RTF1: variants seen among roughly 807,000 people sequenced by gnomAD.
RTF1 encodes the protein RNA polymerase-associated protein RTF1 homolog.
Under a neutral mutation model 95.7 loss-of-function variants are expected in RTF1, and 10 were observed. The ratio of observed to expected loss-of-function variants is 0.10; its 90% confidence interval spans 0.06 to 0.18. The LOEUF (loss-of-function observed/expected upper bound fraction) is 0.18. Ranked by LOEUF, RTF1 falls within the 10% of genes least tolerant of loss-of-function variation. RTF1 has a pLI of 1.00. For missense variants in RTF1, 458 were observed against 875.6 expected (o/e 0.52, Z 6.02); for synonymous variants, 305 against 311.8 (o/e 0.98, Z 0.23).
intron 1 of RTF1, among the ~76,000 whole-genome samples, chr15:41,426,801 G>A (rs1312751045): frequency 2.2e-4 from 30 of 138,608 alleles, no homozygotes; most frequent in African/African-American, 7.1e-4. Context: ...GTGTGTGTGT[G>A]TGTGTGTGTG....
At chr15:41,471,043 C>G in intron 7 of RTF1, 129 bp from the exon 8 acceptor site, 2 of 792,736 alleles carry the variant, frequency 2.5e-6, no homozygotes, top group Non-Finnish European at 4.0e-6. Context: ...TTTGCTGGTG[C>G]TTCATTTACT....
At chr15:41,435,839 G>T (rs2050698988) in intron 1 of RTF1, among the ~76,000 whole-genome samples, 2 of 152,116 alleles carry the variant, frequency 1.3e-5, no homozygotes, top group African/African-American at 4.8e-5. Context: ...ATTACTACTA[G>T]TGTTTATTAG....
intron 1 of RTF1, among the ~76,000 whole-genome samples, chr15:41,427,943 C>T (rs2050644968): frequency 6.6e-6 from 1 of 151,884 alleles, no homozygotes; most frequent in Non-Finnish European, 1.5e-5. Context: ...TCCGCCACCA[C>T]ACCTGGCTAA....
chr15:41,447,566 A>C (rs1335620492), intron 2 of RTF1, among the ~76,000 whole-genome samples: 1 of 152,228 alleles, frequency 6.6e-6, no homozygotes, highest in Non-Finnish European at 1.5e-5. Flanking sequence ...AACATATTCC[A>C]TCCAGTCTCT....
At position 41,471,166 on chromosome 15, in the gene RTF1, T is replaced by C. The variant is rs2050909713; in HGVS notation, c.1026-6T>C. 1 of 1,593,416 alleles carries C rather than the reference T, an allele frequency of 6.3e-7. No homozygotes were observed. The highest frequency in any genetic ancestry group is 1.8e-5 in the Admixed American group (1 of 54,722). On this transcript the variant is annotated splice_polypyrimidine_tract_variant and splice_region_variant and intron_variant, in intron 7 of 17. Coordinates refer to ENST00000389629, the MANE Select transcript of RTF1 (RefSeq NM_015138.5). ...ATTTTTTCCAGTGCCCCTTTGTTCC[T>C]CTTAGGAAAGAAGAGATCCCTCCCA... is the stretch of plus-strand genomic sequence containing the variant.
intron 4 of RTF1, among the ~76,000 whole-genome samples, chr15:41,461,462 G>A (rs897705669): frequency 1.1e-4 from 16 of 151,790 alleles, no homozygotes; most frequent in African/African-American, 3.4e-4. Context: ...GATCACAGGC[G>A]TGAGCCACCA....
At chr15:41,480,075 G>A (rs2050963681) in intron 16 of RTF1, 139 bp from the exon 17 acceptor site, 1 of 619,698 alleles carries the variant, frequency 1.6e-6, no homozygotes. Flanking sequence ...GCCTCCCTCT[G>A]AGAGAAGGAA....
At chr15:41,448,367 A>T (rs897106674) in intron 2 of RTF1, among the ~76,000 whole-genome samples, 2 of 152,066 alleles carry the variant, frequency 1.3e-5, no homozygotes, top group African/African-American at 4.8e-5. Context: ...AATAAAATTT[A>T]AAAAAATGGG....
At chr15:41,478,332 C>G (rs941216436) in intron 14 of RTF1, among the ~76,000 whole-genome samples, 5 of 149,944 alleles carry the variant, frequency 3.3e-5, no homozygotes, top group African/African-American at 1.2e-4. Flanking sequence ...ACCTGAGAGG[C>G]AGCAGATGCA....
At chr15:41,427,501 C>T (rs1330942760) in intron 1 of RTF1, among the ~76,000 whole-genome samples, 1 of 151,992 alleles carries the variant, frequency 6.6e-6, no homozygotes, top group Non-Finnish European at 1.5e-5. Flanking sequence ...CGCCTGTGGT[C>T]CCAGCTATTC....
At chr15:41,444,966 C>T (rs1157448377) in intron 2 of RTF1, among the ~76,000 whole-genome samples, 1 of 152,014 alleles carries the variant, frequency 6.6e-6, no homozygotes, top group African/African-American at 2.4e-5. Context: ...GAGTCTCGGT[C>T]TGTCGCCCAG....
intron 3 of RTF1, among the ~76,000 whole-genome samples, chr15:41,455,401 T>C (rs2050808219): frequency 6.6e-6 from 1 of 152,002 alleles, no homozygotes; most frequent in African/African-American, 2.4e-5. Flanking sequence ...GCAACTTCAG[T>C]GGAGCTGGAG....
chr15:41,433,493 C>A (rs2050686163), intron 1 of RTF1, among the ~76,000 whole-genome samples: 1 of 151,958 alleles, frequency 6.6e-6, no homozygotes, highest in South Asian at 2.1e-4. Context: ...CGCCACCATG[C>A]CCAGCTGATT....
intron 14 of RTF1, 106 bp from the exon 15 acceptor site, chr15:41,478,440 GCT>G: frequency 1.3e-6 from 1 of 798,934 alleles, no homozygotes; most frequent in Non-Finnish European, 2.0e-6. Flanking sequence ...AAGGATAATA[GCT>G]TTTTTTTTTT....
Position 41,464,891 on chromosome 15 carries a change from A to G in RTF1, c.777+6A>G. Reference sequence around the variant, plus strand: ...CACAGATTCAAGAATCTCAGGTAGGAGATTCAGTGTTCCTCATTGTCCAAA... The same window carrying G: ...CACAGATTCAAGAATCTCAGGTAGGGGATTCAGTGTTCCTCATTGTCCAAA... On this transcript the variant is annotated splice_donor_region_variant and intron_variant, in intron 5 of 17. Transcript: ENST00000389629. 6.6e-7 allele frequency: 1 copy of G among 1,524,536 alleles called. No individual in the cohort carries two copies. The highest frequency in any genetic ancestry group is 8.8e-7 in the Non-Finnish European group (1 of 1,140,330). The allele number at this position is 1,524,536 out of a possible 1,614,324, so 94.4% of individuals were successfully genotyped here.
At chr15:41,474,791 G>A (rs1566849514) in intron 9 of RTF1, 89 bp downstream of exon 9, 2 of 952,298 alleles carry the variant, frequency 2.1e-6, no homozygotes, top group Non-Finnish European at 3.5e-6. Context: ...GATGTTCCTT[G>A]TTACCATGAA....
In RTF1 at chr15:41,479,168, G is replaced by A. The variant is rs1360615669; in HGVS notation, c.1884G>A (p.Val628=). The change falls in exon 16 of 18, where the codon GTG becomes GTA. Residue 628 remains valine (V), a synonymous_variant. Coordinates refer to ENST00000389629, the MANE Select transcript of RTF1 (RefSeq NM_015138.5). ...TGAATGCAAAATACGGTTCTGGAGT[G>A]TTACCAGATGCTCCAAAGGAAATGA... is the stretch of plus-strand genomic sequence containing the variant. ...AQLNAKYGSG[V]LPDAPKEMSK... 1.2e-6 allele frequency: 2 copies of A among 1,613,622 alleles called. No homozygotes were observed. The highest frequency in any genetic ancestry group is 1.7e-4 in the Middle Eastern group (1 of 6,020).
At chr15:41,425,398 G>A (rs1269636185) in intron 1 of RTF1, among the ~76,000 whole-genome samples, 4 of 151,990 alleles carry the variant, frequency 2.6e-5, no homozygotes, top group Admixed American at 1.3e-4. Flanking sequence ...GAGCCACCGC[G>A]CCTGGCCAAT....
At chr15:41,450,517 G>A (rs1340948346) in intron 2 of RTF1, among the ~76,000 whole-genome samples, 1 of 151,632 alleles carries the variant, frequency 6.6e-6, no homozygotes, top group Non-Finnish European at 1.5e-5. Context: ...CCGGGGAGGC[G>A]GAGCTTGCAG....
Sources: allele counts gnomAD v4.1 joint callset (sites outside exome capture counted in the v4.1 genomes callset), GRCh38; gene constraint gnomAD v4.1.1; transcripts MANE v1.5; gene names NCBI Gene and HGNC (gene_info 2026-07-23, HGNC 2026-07-21).